Variants in PXK observed in about 807,000 individuals in gnomAD.
The protein encoded by PXK is PX domain containing serine/threonine kinase like, also known as PX domain-containing protein kinase-like protein.
A neutral mutation model predicts 84.7 loss-of-function variants in PXK; 35 were observed. The observed-to-expected ratio is 0.41, with a 90% CI of 0.32 to 0.55. The LOEUF (loss-of-function observed/expected upper bound fraction) is 0.55, where lower values mean the gene tolerates loss of function less well. PXK is among the 20% of genes least tolerant of loss of function. The pLI is 0.21. For missense variants in PXK, 634 were observed against 699.7 expected (o/e 0.91, Z 1.06); for synonymous variants, 253 against 260.8 (o/e 0.97, Z 0.29).
In PXK at chr3:58,395,006, C is replaced by T. The variant is rs151001884; in HGVS notation, c.624C>T (p.Tyr208=). 22 of 1,611,574 alleles carry T rather than the reference C, an allele frequency of 1.4e-5. No individual in the cohort carries two copies. The highest frequency in any genetic ancestry group is 1.8e-5 in the Non-Finnish European group (21 of 1,177,876). Residue 208 remains tyrosine, a synonymous_variant, in exon 8 of 18, where the codon TAC becomes TAT. Coordinates refer to ENST00000356151, the MANE Select transcript of PXK (RefSeq NM_017771.5). The part of the protein sequence containing the change: ...IKLLPSCLHP[Y]IYRVTFATAN... ...CTTTTTTGTTTTGACAGCACCCTTA[C>T]ATCTATCGGGTTACCTTTGCCACAG...
At chr3:58,420,594 A>C in intron 17 of PXK, 2 of 1,536,056 alleles carry the variant, frequency 1.3e-6, no homozygotes. Context: ...CTGATTTCTC[A>C]GACTTTAAAG....
Position 58,411,130 on chromosome 3 carries a change from A to G in PXK, c.1465+971A>G, listed in dbSNP as rs534216786. Among the ~76,000 whole-genome samples, 2 of 152,314 alleles carry G rather than the reference A, an allele frequency of 1.3e-5. No homozygotes were observed. The highest frequency in any genetic ancestry group is 4.1e-4 in the South Asian group (2 of 4,822). ...AGGAAATTGGGGATATTCACAGGTCATGCCTCAGTCTTCTCAGTGAAGTCA... is the reference window on the plus strand; with the variant it reads ...AGGAAATTGGGGATATTCACAGGTCGTGCCTCAGTCTTCTCAGTGAAGTCA... On this transcript the variant is annotated intron_variant, in intron 16 of 17. Coordinates refer to ENST00000356151, the MANE Select transcript of PXK (RefSeq NM_017771.5). The surrounding 1 kb of genome is among the most constrained non-coding windows in gnomAD (Gnocchi z 4.2).
intron 13 of PXK, among the ~76,000 whole-genome samples, chr3:58,406,938 A>G (rs1206227766): frequency 6.6e-6 from 1 of 152,224 alleles, no homozygotes; most frequent in Non-Finnish European, 1.5e-5. Flanking sequence ...TGTATATGCC[A>G]CACTTTTTTT....
rs1297306401 is a variant in PXK at position 58,422,603 on chromosome 3, C to T, written c.1529-2149C>T. ...AGTGGAAAATCCATGTACTGAACCC[C>T]ACCCTCAACTCCCAAACTCTGCGGT... On this transcript the variant is annotated intron_variant, in intron 17 of 17. Transcript: ENST00000356151. 4.1e-6 allele frequency: 4 copies of T among 985,298 alleles called. No homozygotes were observed. In the Admixed American group the frequency reaches 1.8e-4, roughly 45 times the overall value. 61.0% of individuals were successfully genotyped at this position (985,298 alleles called of 1,614,324 possible). A position where few individuals can be genotyped will look rare whatever the true frequency, so the allele number is the denominator to read the frequency against.
chr3:58,420,885 T>C (rs753486431), intron 17 of PXK: 75 of 1,165,260 alleles, frequency 6.4e-5, no homozygotes, highest in Non-Finnish European at 7.5e-5. Context: ...AAACCATAAC[T>C]CTCAAAGTCC....
chr3:58,374,520 C>A (rs2108613340), intron 3 of PXK, among the ~76,000 whole-genome samples: 1 of 152,232 alleles, frequency 6.6e-6, no homozygotes, highest in East Asian at 1.9e-4. Context: ...ACTCCGGGGA[C>A]TCCTCTGCTG....
intron 1 of PXK, among the ~76,000 whole-genome samples, chr3:58,338,481 G>T (rs1021948763): frequency 6.6e-6 from 1 of 151,536 alleles, no homozygotes; most frequent in African/African-American, 2.4e-5. Flanking sequence ...AAATTAGCTG[G>T]GCATGGTGGG....
intron 17 of PXK, chr3:58,420,489 T>C: frequency 6.5e-7 from 1 of 1,532,436 alleles, no homozygotes; most frequent in Non-Finnish European, 8.7e-7. Flanking sequence ...AAAATCTGAA[T>C]AATGACTTGT....
intron 17 of PXK, among the ~76,000 whole-genome samples, chr3:58,417,752 T>C (rs1321015872): frequency 1.3e-5 from 2 of 152,264 alleles, no homozygotes; most frequent in Non-Finnish European, 2.9e-5. Context: ...TTATACTCTA[T>C]TCATAGAACT....
Position 58,410,598 on chromosome 3 carries a change from G to T in PXK, c.1465+439G>T, listed in dbSNP as rs371092181. 8.5e-5 allele frequency among the ~76,000 whole-genome samples: 13 copies of T among 152,292 alleles called. No homozygotes were observed. The East Asian group carries it at 1.2e-3, about 14-fold the overall frequency. On this transcript the variant is annotated intron_variant, in intron 16 of 17. Transcript: ENST00000356151. ...AAGGAAAGGACTCGATGGTGTGTGG[G>T]GATGGCAAGAAACCGAGATGGTACA...
chr3:58,387,418 G>A (rs561669060), intron 4 of PXK, among the ~76,000 whole-genome samples: 1 of 152,322 alleles, frequency 6.6e-6, no homozygotes, highest in African/African-American at 2.4e-5. Context: ...TATGCAGCCA[G>A]GAGGAAAGAA....
chr3:58,423,311 TAAC>T lies in PXK; in HGVS notation c.1529-1438_1529-1436del, dbSNP rs2062229209. The T allele has an allele frequency of 9.0e-6, 13 of 1,444,164 alleles. No homozygotes were observed. The South Asian group carries it at 1.6e-4, about 17-fold the overall frequency. 89.5% of individuals were successfully genotyped at this position (1,444,164 alleles called of 1,614,324 possible). ...CCACAATCCACCTTAGCATAAAACA[TAAC>T]AATTTCATTCATCAGTTGTTATTGT... On this transcript the variant is annotated intron_variant, in intron 17 of 17. Coordinates refer to ENST00000356151, the MANE Select transcript of PXK (RefSeq NM_017771.5).
intron 12 of PXK, among the ~76,000 whole-genome samples, chr3:58,403,390 A>C (rs2058904525): frequency 6.6e-6 from 1 of 152,154 alleles, no homozygotes. Flanking sequence ...TTAGAAGAAA[A>C]TTACTTTCCT....
chr3:58,334,959 CTGTGTGTGTG>C (rs1160895291), intron 1 of PXK, among the ~76,000 whole-genome samples: 1 of 125,550 alleles, frequency 8.0e-6, no homozygotes, highest in African/African-American at 3.0e-5. Flanking sequence ...GTGTGTGTGT[CTGTGTGTGTG>C]TGTGTGTGTG....
intron 1 of PXK, among the ~76,000 whole-genome samples, chr3:58,341,699 T>G (rs1575678097): frequency 1.7e-5 from 2 of 120,138 alleles, no homozygotes; most frequent in South Asian, 4.5e-4. Flanking sequence ...ACATTTTCTT[T>G]TCTTTTCTTT....
At chr3:58,422,376 G>A in intron 17 of PXK, 4 of 985,312 alleles carry the variant, frequency 4.1e-6, no homozygotes, top group Non-Finnish European at 4.8e-6. Flanking sequence ...AGGAAAAGTG[G>A]ACTTGCTGGG....
Position 58,408,949 on chromosome 3 carries a change from T to C in PXK, c.1256T>C (p.Leu419Ser). ...FKIPTKLKEA[L>S]RIAKECIEKR... ...ATCCCTACAAAGTTAAAAGAGGCAT[T>C]GAGAATTGCCAAAGAATGTATAGAG... Residue 419 changes from leucine (L) to serine (S), a missense_variant, in exon 14 of 18, where the codon TTG (leucine) becomes TCG (serine). Leu to Ser is a moderately radical substitution (Grantham distance 145). Transcript: ENST00000356151. 6.3e-7 allele frequency: 1 copy of C among 1,585,172 alleles called. No individual in the cohort carries two copies. Among genetic ancestry groups the C allele is most frequent in the Non-Finnish European group, 8.7e-7 (1 of 1,153,844 alleles).
At chr3:58,384,623 A>G (rs2098535953) in intron 4 of PXK, among the ~76,000 whole-genome samples, 2 of 152,182 alleles carry the variant, frequency 1.3e-5, no homozygotes, top group Non-Finnish European at 2.9e-5. Context: ...CAAAATTGTC[A>G]GACAGCAGGC....
At chr3:58,418,559 C>T (rs2061340314) in intron 17 of PXK, among the ~76,000 whole-genome samples, 1 of 152,136 alleles carries the variant, frequency 6.6e-6, no homozygotes, top group Non-Finnish European at 1.5e-5. Flanking sequence ...GGGCTTGAGT[C>T]CTAGCTCTGC....
Sources: allele counts gnomAD v4.1 joint callset (sites outside exome capture counted in the v4.1 genomes callset), GRCh38; gene constraint gnomAD v4.1.1; non-coding constraint Gnocchi (gnomAD v3.1); transcripts MANE v1.5; gene names NCBI Gene and HGNC (gene_info 2026-07-23, HGNC 2026-07-21).